The following PATJ variants were observed in gnomAD, a reference collection of about 807,000 sequenced individuals.
The protein encoded by PATJ is inaD-like protein.
In PATJ, 190 loss-of-function variants were observed where a neutral mutation model predicts 224.9. The ratio of observed to expected loss-of-function variants is 0.84; its 90% CI spans 0.75 to 0.95. The LOEUF (loss-of-function observed/expected upper bound fraction) is 0.95, where lower values mean the gene tolerates loss of function less well. Among genes scored for constraint, PATJ ranks in the 40% least tolerant of loss-of-function variants. The pLI, the probability that PATJ is intolerant of heterozygous loss-of-function variation, is 0.00. For missense variants in PATJ, 2,121 were observed against 2,270.3 expected, an observed-to-expected ratio of 0.93 and a Z score of 1.34; for synonymous variants, 769 against 820.3, an observed-to-expected ratio of 0.94 and a Z score of 1.07.
At chr1:62,075,021 A>G (rs557799318) in intron 31 of PATJ, among the ~76,000 whole-genome samples, 31 of 152,334 alleles carry the variant, frequency 2.0e-4, no homozygotes, top group African/African-American at 7.5e-4. Context: ...GCACATATCA[A>G]ACATCTCTAA....
At chr1:61,766,776 G>A (rs567028774) in intron 4 of PATJ, among the ~76,000 whole-genome samples, 1 of 152,130 alleles carries the variant, frequency 6.6e-6, no homozygotes, top group South Asian at 2.1e-4. Flanking sequence ...ATGACTAATT[G>A]AACACATCTC....
rs1326927257 is a variant in PATJ at position 61,914,593 on chromosome 1, C to G, written c.3499C>G (p.Pro1167Ala). Residue 1167 changes from proline to alanine, a missense_variant, in exon 26 of 44, where the codon CCT (proline) becomes GCT (alanine). Coordinates refer to ENST00000642238, the MANE Select transcript of PATJ (RefSeq NM_001350145.3). ...CCTTTTTTTGTCACCATAGGTCATT[C>G]CTAACGTACATAACAAGGCCAACAA... ...QSLSSTPRVIPNVHNKANKIT... is the reference protein window; with the variant it reads ...QSLSSTPRVIANVHNKANKIT... 6.6e-7 allele frequency: 1 copy of G among 1,518,368 alleles called. No individual in the cohort carries two copies. The highest frequency in any genetic ancestry group is 9.1e-7 in the Non-Finnish European group (1 of 1,096,974). 94.1% of individuals were successfully genotyped at this position (1,518,368 alleles called of 1,614,324 possible).
chr1:61,822,833 G>T, intron 14 of PATJ, 112 bp from the exon 15 acceptor site: 2 of 1,220,182 alleles, frequency 1.6e-6, no homozygotes, highest in Non-Finnish European at 2.3e-6. Flanking sequence ...TTAGGATTTT[G>T]GTGATCTAAT....
chr1:62,072,377 T>C (rs1009197876), intron 31 of PATJ: 3 of 152,208 alleles, frequency 2.0e-5, no homozygotes, highest in South Asian at 2.1e-4. Context: ...CCTGAACAGA[T>C]AGTTTTATAG....
intron 41 of PATJ, among the ~76,000 whole-genome samples, chr1:62,134,204 C>CTT (rs71050201): frequency 2.3e-4 from 28 of 123,986 alleles, no homozygotes; most frequent in African/African-American, 6.6e-4. Context: ...GTACTCTCGT[C>CTT]TTTTTTTTTT....
intron 12 of PATJ, among the ~76,000 whole-genome samples, chr1:61,802,479 A>G (rs956996670): frequency 3.3e-5 from 5 of 151,934 alleles, no homozygotes; most frequent in African/African-American, 9.7e-5. Flanking sequence ...GAGTCTCACT[A>G]TGTTGTCCAG....
intron 27 of PATJ, among the ~76,000 whole-genome samples, chr1:61,933,781 T>C (rs567563305): frequency 1.3e-5 from 2 of 152,316 alleles, no homozygotes; most frequent in African/African-American, 2.4e-5. Flanking sequence ...TTTTACCTTC[T>C]AGTCTCAGTT....
intron 27 of PATJ, among the ~76,000 whole-genome samples, chr1:61,946,423 A>G (rs967179918): frequency 8.5e-5 from 13 of 152,242 alleles, no homozygotes; most frequent in African/African-American, 3.1e-4. Context: ...CTACCATCAG[A>G]GAATACTATA....
At chr1:61,872,505 T>G (rs1022436753) in intron 20 of PATJ, among the ~76,000 whole-genome samples, 1 of 152,142 alleles carries the variant, frequency 6.6e-6, no homozygotes, top group Non-Finnish European at 1.5e-5. Context: ...CAATTAGACT[T>G]CCCTGTTATC....
At chr1:62,122,363 T>TAAAAAAAAAA (rs58555932) in intron 38 of PATJ, among the ~76,000 whole-genome samples, 1 of 81,530 alleles carries the variant, frequency 1.2e-5, no homozygotes. Flanking sequence ...AGACTCCATC[T>TAAAAAAAAAA]AAAAAAAAAA....
chr1:62,125,126 A>G (rs903123900), intron 39 of PATJ, among the ~76,000 whole-genome samples: 4 of 150,762 alleles, frequency 2.7e-5, no homozygotes, highest in Admixed American at 2.0e-4. Context: ...GCTCCCAGCT[A>G]TTTGGGAGGC....
chr1:61,886,813 C>T (rs1668915662), intron 22 of PATJ, among the ~76,000 whole-genome samples: 1 of 15,464 alleles, frequency 6.5e-5, no homozygotes, highest in African/African-American at 1.8e-4. Flanking sequence ...GAGCAAGACC[C>T]CATCTCAAAA....
chr1:61,848,991 G>A (rs182893855), intron 17 of PATJ, among the ~76,000 whole-genome samples: 6 of 152,290 alleles, frequency 3.9e-5, no homozygotes, highest in Non-Finnish European at 5.9e-5. Context: ...AAATTTGTGT[G>A]TAGTCCCTTT....
intron 8 of PATJ, 40 bp downstream of exon 8, chr1:61,788,012 T>C: frequency 1.3e-6 from 2 of 1,483,384 alleles, no homozygotes; most frequent in Non-Finnish European, 1.9e-6. Context: ...AACCAAAGCC[T>C]GGGTGTGACA....
intron 41 of PATJ, among the ~76,000 whole-genome samples, chr1:62,136,477 T>TTG (rs111398189): frequency 0.031 from 4,650 of 149,144 alleles, 144 homozygotes; most frequent in African/African-American, 0.077. Flanking sequence ...TGGGCTTTTC[T>TTG]TGTGTGTGTG....
intron 1 of PATJ, among the ~76,000 whole-genome samples, chr1:61,748,756 A>C (rs916737576): frequency 1.3e-5 from 2 of 152,050 alleles, no homozygotes; most frequent in African/African-American, 4.8e-5. Context: ...CCCCCTGGGC[A>C]CAAGGGTTCC....
At chr1:61,804,382 T>C (rs1426960531) in intron 12 of PATJ, among the ~76,000 whole-genome samples, 1 of 152,164 alleles carries the variant, frequency 6.6e-6, no homozygotes. Context: ...TCATTAGTCT[T>C]AGTCACTGAT....
intron 22 of PATJ, among the ~76,000 whole-genome samples, chr1:61,893,781 A>G (rs1414371674): frequency 1.3e-5 from 2 of 151,478 alleles, no homozygotes; most frequent in Non-Finnish European, 2.9e-5. Context: ...AAAACAACAA[A>G]ACAAGAGAAA....
intron 27 of PATJ, among the ~76,000 whole-genome samples, chr1:61,959,443 T>TC (rs1557945385): frequency 6.7e-5 from 7 of 104,354 alleles, no homozygotes; most frequent in South Asian, 3.2e-4. Flanking sequence ...TCTTTTCTTT[T>TC]TTTTTTTTTT....
Sources: allele counts gnomAD v4.1 joint callset (sites outside exome capture counted in the v4.1 genomes callset), GRCh38; gene constraint gnomAD v4.1.1; transcripts MANE v1.5; gene names NCBI Gene and HGNC (gene_info 2026-07-23, HGNC 2026-07-21).